ASB13: variants seen among roughly 807,000 people sequenced by gnomAD.
ASB13 encodes ankyrin repeat and SOCS box containing 13, also known as ankyrin repeat and SOCS box protein 13.
Under a neutral mutation model 28.8 loss-of-function variants are expected in ASB13, and 33 were observed. The ratio of observed to expected loss-of-function variants is 1.15; its 90% CI spans 0.87 to 1.53. ASB13 has a LOEUF of 1.53. Ranked by LOEUF, ASB13 falls within the 40% of genes most tolerant of loss-of-function variation. The probability of loss-of-function intolerance (pLI) is 0.00; values close to 1 mark genes in which losing one functional copy is unlikely to be tolerated. For missense variants in ASB13, 414 were observed against 390.1 expected, an observed-to-expected ratio of 1.06 and a Z score of -0.52; for synonymous variants, 182 against 172.9, an observed-to-expected ratio of 1.05 and a Z score of -0.41.
Position 5,642,031 on chromosome 10 carries a change from G to A in ASB13, c.518-70C>T, listed in dbSNP as rs557650451. ...TGAAGTCAGGGGGACAATCAGGTCC[G>A]TTTCGTCACACAGCACGGTGGCAGA... is the stretch of plus-strand genomic sequence containing the variant. On this transcript the variant is annotated intron_variant, in intron 4 of 5. Coordinates refer to ENST00000357700, the MANE Select transcript of ASB13 (RefSeq NM_024701.4). The surrounding 1 kb of genome is among the most constrained non-coding windows in gnomAD (Gnocchi z 4.1). 159 of 1,475,406 alleles carry A rather than the reference G, an allele frequency of 1.1e-4. No individual in the cohort carries two copies. Among genetic ancestry groups the A allele is most frequent in the African/African-American group, 1.8e-4 (13 of 72,636 alleles). 91.4% of individuals were successfully genotyped at this position (1,475,406 alleles called of 1,614,324 possible). A position where few individuals can be genotyped will look rare whatever the true frequency, so the allele number is the denominator to read the frequency against.
Position 5,652,463 on chromosome 10 carries a change from T to C in ASB13, c.231+400A>G, listed in dbSNP as rs776206024. Among the ~76,000 whole-genome samples, 8 of 152,096 alleles carry C rather than the reference T, an allele frequency of 5.3e-5. No homozygotes were observed. Among genetic ancestry groups the C allele is most frequent in the Non-Finnish European group, 4.4e-5 (3 of 68,018 alleles). On this transcript the variant is annotated intron_variant, in intron 2 of 5. Transcript: ENST00000357700. This position sits in a 1 kb window ranked among gnomAD's most constrained non-coding sequence, Gnocchi z 5.0. ...CACCAGGGAAAGCAGCAACACAGTTTTGTTTTTGTTCCTTTTTTCAGAGAG... is the reference window on the plus strand; with the variant it reads ...CACCAGGGAAAGCAGCAACACAGTTCTGTTTTTGTTCCTTTTTTCAGAGAG...
At chr10:5,643,974 G>A (rs1224266182) in intron 4 of ASB13, among the ~76,000 whole-genome samples, 1 of 152,252 alleles carries the variant, frequency 6.6e-6, no homozygotes, top group Non-Finnish European at 1.5e-5. Flanking sequence ...CTTGCAGGGA[G>A]GCAGCCTTCC....
rs553830279 is a variant in ASB13 at position 5,661,410 on chromosome 10, C to A, written c.43+5099G>T. 6.6e-6 allele frequency among the ~76,000 whole-genome samples: 1 copy of A among 152,354 alleles called. No individual in the cohort carries two copies. The highest frequency in any genetic ancestry group is 2.1e-4 in the South Asian group (1 of 4,830). Reference sequence around the variant, plus strand: ...CTCAAATGCCACCAGGGACACCTTCCAGACAAAGCTGATCCAGTAGCATGC... The same window carrying A: ...CTCAAATGCCACCAGGGACACCTTCAAGACAAAGCTGATCCAGTAGCATGC... On this transcript the variant is annotated intron_variant, in intron 1 of 5. Transcript: ENST00000357700. This position sits in a 1 kb window ranked among gnomAD's most constrained non-coding sequence, Gnocchi z 4.9.
Position 5,649,835 on chromosome 10 carries a change from G to A in ASB13, c.383-731C>T, listed in dbSNP as rs1455051681. Among the ~76,000 whole-genome samples, 2 of 152,162 alleles carry A rather than the reference G, an allele frequency of 1.3e-5. No homozygotes were observed. Among genetic ancestry groups the A allele is most frequent in the African/African-American group, 4.8e-5 (2 of 41,444 alleles). The stretch of plus-strand genomic sequence containing the variant: ...TGAGCCACAGCGCCCGGCCTCTCCT[G>A]CCTCTTAAGTGGCTCCTCTTCCTGG... On this transcript the variant is annotated intron_variant, in intron 3 of 5. Transcript: ENST00000357700. This position sits in a 1 kb window ranked among gnomAD's most constrained non-coding sequence, Gnocchi z 6.4.
Sources: allele counts gnomAD v4.1 joint callset (sites outside exome capture counted in the v4.1 genomes callset), GRCh38; gene constraint gnomAD v4.1.1; non-coding constraint Gnocchi (gnomAD v3.1); transcripts MANE v1.5; gene names NCBI Gene and HGNC (gene_info 2026-07-23, HGNC 2026-07-21).